NPHS1: variants seen among roughly 807,000 people sequenced by gnomAD.
NPHS1 encodes the protein NPHS1 adhesion molecule, nephrin.
NPHS1 carries 107 observed loss-of-function variants against 139.7 expected under a neutral mutation model. The ratio of observed to expected loss-of-function variants is 0.77; its 90% confidence interval spans 0.66 to 0.90. The LOEUF is 0.90. Ranked by LOEUF, NPHS1 falls within the 40% of genes least tolerant of loss-of-function variation. The pLI is 0.00. For missense variants in NPHS1, 1,580 were observed against 1,654.2 expected (o/e 0.96, Z 0.78); for synonymous variants, 707 against 706.6 (o/e 1.00, Z -0.01).
intron 4 of NPHS1, 64 bp from the exon 5 acceptor site, chr19:35,850,509 G>T: frequency 7.1e-7 from 1 of 1,407,526 alleles, no homozygotes; most frequent in Non-Finnish European, 1.0e-6. Context: ...TGGGGAGCAT[G>T]GCCTGGAAGT....
At chr19:35,827,809 T>G (rs1285221792) in intron 28 of NPHS1, among the ~76,000 whole-genome samples, 2 of 152,010 alleles carry the variant, frequency 1.3e-5, no homozygotes, top group Non-Finnish European at 2.9e-5. Flanking sequence ...CCCAGCTACT[T>G]GGGAGGCTGA....
At chr19:35,843,963 A>C in intron 16 of NPHS1, 140 bp downstream of exon 16, 1 of 1,233,556 alleles carries the variant, frequency 8.1e-7, no homozygotes, top group Non-Finnish European at 1.1e-6. Flanking sequence ...GCGTGGTTAC[A>C]CCGCGGCTGG....
chr19:35,834,824 G>T (rs1188672698), intron 23 of NPHS1, among the ~76,000 whole-genome samples: 1 of 151,678 alleles, frequency 6.6e-6, no homozygotes, highest in Non-Finnish European at 1.5e-5. Context: ...GGTGGAGATA[G>T]CAGTCAGCCG....
At position 35,845,418 on chromosome 19, in the gene NPHS1, C is replaced by A; in HGVS notation, c.1880G>T (p.Ser627Ile). Residue 627 changes from serine to isoleucine, a missense_variant, in exon 14 of 29, where the codon AGC becomes ATC. Transcript: ENST00000378910. The surrounding 1 kb of genome is among the most constrained non-coding windows in gnomAD (Gnocchi z 5.5). The stretch of plus-strand genomic sequence containing the variant: ...GCTCACGGTTTCGCGGAGCTCGGCG[C>A]TGTGGGCGCGGCAGGTCACGCGCTG... ...HGQRVTCRAHSAELRETVSSF... is the reference protein window; with the variant it reads ...HGQRVTCRAHIAELRETVSSF... 2 of 1,614,244 alleles carry A rather than the reference C, an allele frequency of 1.2e-6. No homozygotes were observed. The highest frequency in any genetic ancestry group is 1.3e-5 in the African/African-American group (1 of 75,084).
chr19:35,833,131 T>C (rs1599836703), intron 23 of NPHS1, among the ~76,000 whole-genome samples: 1 of 151,508 alleles, frequency 6.6e-6, no homozygotes, highest in Non-Finnish European at 1.5e-5. Context: ...TGGCTTCAAG[T>C]GGTCTGCCCA....
At chr19:35,849,677 A>G (rs1217972637) in intron 5 of NPHS1, 24 bp from the exon 6 acceptor site, 2 of 1,553,276 alleles carry the variant, frequency 1.3e-6, no homozygotes, top group Non-Finnish European at 1.8e-6. Flanking sequence ...TCAGGGTTAT[A>G]GAGTCAGAGT....
intron 22 of NPHS1, among the ~76,000 whole-genome samples, chr19:35,836,047 C>A: frequency 6.8e-6 from 1 of 146,584 alleles, no homozygotes; most frequent in African/African-American, 2.5e-5. Flanking sequence ...GAAACCTCTG[C>A]CTCCCGGGTT....
At position 35,841,769 on chromosome 19, in the gene NPHS1, T is replaced by C. The variant is rs370844834; in HGVS notation, c.2761A>G (p.Thr921Ala). ...AAQDYALFTC[T>A]ATNALGSDQT... Reference sequence around the variant, plus strand: ...TCCGAGCCAAGGGCGTTGGTGGCTGTACATGTGAAGAGGGCGTAATCCTGG... The same window carrying C: ...TCCGAGCCAAGGGCGTTGGTGGCTGCACATGTGAAGAGGGCGTAATCCTGG... Residue 921 changes from threonine (T) to alanine (A), a missense_variant, in exon 20 of 29, where the codon ACA (threonine) becomes GCA (alanine). Thr to Ala is a moderately conservative substitution (Grantham distance 58). Coordinates refer to ENST00000378910, the MANE Select transcript of NPHS1 (RefSeq NM_004646.4). The C allele has an allele frequency of 5.5e-5, 88 of 1,613,990 alleles. No homozygotes were observed. The highest frequency in any genetic ancestry group is 4.7e-4 in the South Asian group (43 of 91,078).
rs751756079 is a variant in NPHS1, at chr19:35,851,593, C to T, written c.138G>A (p.Gly46=). The change falls in exon 2 of 29, where the codon GGG becomes GGA. Residue 46 remains glycine (G), a synonymous_variant. Transcript: ENST00000378910. ...ALPENLTVVE[G]ASVELRCGVS... is the part of the protein sequence containing the mutation. Reference sequence around the variant, plus strand: ...CCCCACAACGCAGCTCCACTGAGGCCCCCTCCACCACCGTCAGGTTTTCAG... The same window carrying T: ...CCCCACAACGCAGCTCCACTGAGGCTCCCTCCACCACCGTCAGGTTTTCAG... 1.9e-6 allele frequency: 3 copies of T among 1,613,982 alleles called. No individual in the cohort carries two copies. Among genetic ancestry groups the T allele is most frequent in the Non-Finnish European group, 2.5e-6 (3 of 1,180,004 alleles).
intron 28 of NPHS1, 36 bp downstream of exon 28, chr19:35,830,808 G>T: frequency 2.3e-6 from 3 of 1,317,318 alleles, no homozygotes; most frequent in African/African-American, 1.4e-5. Context: ...CCCAGCACTA[G>T]CCAGGAAGGA....
Position 35,849,679 on chromosome 19 carries a change from A to C in NPHS1, c.609-26T>G, listed in dbSNP as rs767680378. The C allele has an allele frequency of 2.0e-5, 31 of 1,554,014 alleles. No homozygotes were observed. In the Admixed American group the frequency reaches 5.0e-4, roughly 25 times the overall value. On this transcript the variant is annotated intron_variant, in intron 5 of 28. Transcript: ENST00000378910. ...CTGGGATGAGAAGTCAGGGTTATAGAGTCAGAGTCATCATCTGAAATTTGG... is the reference window on the plus strand; with the variant it reads ...CTGGGATGAGAAGTCAGGGTTATAGCGTCAGAGTCATCATCTGAAATTTGG...
In NPHS1 at chr19:35,845,815, G is replaced by A. The variant is rs1973131786; in HGVS notation, c.1628-17C>T. The A allele has an allele frequency of 6.2e-7, 1 of 1,610,572 alleles. No individual in the cohort carries two copies. Among genetic ancestry groups the A allele is most frequent in the Admixed American group, 1.7e-5 (1 of 59,946 alleles). On this transcript the variant is annotated splice_polypyrimidine_tract_variant and intron_variant, in intron 12 of 28. Transcript: ENST00000378910. This position sits in a 1 kb window ranked among gnomAD's most constrained non-coding sequence, Gnocchi z 5.5. ...TTGGGGGAACTGGGAGACGGGGTTG[G>A]AGGAGCGAGACTCAGAGGTTAGGGG...
chr19:35,837,007 A>AG (rs942516167), intron 22 of NPHS1, among the ~76,000 whole-genome samples: 1 of 139,140 alleles, frequency 7.2e-6, no homozygotes, highest in African/African-American at 2.7e-5. Flanking sequence ...AAAAAAAAAA[A>AG]AAAGAAAGAA....
chr19:35,828,384 C>T (rs763704221), intron 28 of NPHS1, among the ~76,000 whole-genome samples: 31 of 152,072 alleles, frequency 2.0e-4, no homozygotes, highest in Non-Finnish European at 4.3e-4. Context: ...TCCTGCCTAG[C>T]CTCCCGAGTA....
At chr19:35,834,597 G>GA (rs146766411) in intron 23 of NPHS1, among the ~76,000 whole-genome samples, 9,204 of 150,004 alleles carry the variant, frequency 0.061, 840 homozygotes, top group African/African-American at 0.2. Flanking sequence ...GAAGATCTAA[G>GA]AAAAAAAAAA....
chr19:35,833,758 G>A (rs951585282), intron 23 of NPHS1, among the ~76,000 whole-genome samples: 3 of 152,022 alleles, frequency 2.0e-5, no homozygotes, highest in Admixed American at 6.6e-5. Flanking sequence ...GTGCAGTGGC[G>A]TGAGCTCGGC....
At position 35,848,134 on chromosome 19, in the gene NPHS1, G is replaced by A. The variant is rs760411926; in HGVS notation, c.1347C>T (p.Pro449=). The change falls in exon 11 of 29, where the codon CCC becomes CCT. Residue 449 remains proline (P), a synonymous_variant. Transcript: ENST00000378910. ...CAGCCCGGAGCTTCTGGCCCTCTGG[G>A]GGACCCTCAATCCACAGTTTCTGGG... ...YPAQKLWIEG[P]PEGQKLRAGT... is the part of the protein sequence containing the mutation. 1.7e-5 allele frequency: 28 copies of A among 1,613,928 alleles called. No homozygotes were observed. Among genetic ancestry groups the A allele is most frequent in the Non-Finnish European group, 2.0e-5 (24 of 1,180,026 alleles).
In NPHS1 at chr19:35,830,851, A is replaced by C; in HGVS notation, c.3587T>G (p.Val1196Gly). 6.3e-7 allele frequency: 1 copy of C among 1,589,126 alleles called. No individual in the cohort carries two copies. The highest frequency in any genetic ancestry group is 8.6e-7 in the Non-Finnish European group (1 of 1,157,272). Residue 1196 changes from valine to glycine, a missense_variant, in exon 28 of 29, where the codon GTG (valine) becomes GGG (glycine). Transcript: ENST00000378910. ...SGAWGPLYDEVQMGPWDLHWP... is the reference protein window; with the variant it reads ...SGAWGPLYDEGQMGPWDLHWP... ...TGATGCAAAGCTTCTCACCATCTGCACTTCATCGTAGAGGGGTCCCCAGGC... is the reference window on the plus strand; with the variant it reads ...TGATGCAAAGCTTCTCACCATCTGCCCTTCATCGTAGAGGGGTCCCCAGGC...
rs754869906 is a variant in NPHS1 at position 35,842,121 on chromosome 19, C to T, written c.2663+3G>A. Reference sequence around the variant, plus strand: ...AGTGCTGCCTGGCTGGGCTTGGGCTCACCTGGGATCTTGGAGATCCAGAGG... The same window carrying T: ...AGTGCTGCCTGGCTGGGCTTGGGCTTACCTGGGATCTTGGAGATCCAGAGG... On this transcript the variant is annotated splice_donor_region_variant and intron_variant, in intron 19 of 28. Coordinates refer to ENST00000378910, the MANE Select transcript of NPHS1 (RefSeq NM_004646.4). The T allele has an allele frequency of 5.6e-6, 9 of 1,602,130 alleles. No individual in the cohort carries two copies. The African/African-American group carries it at 8.0e-5, about 14-fold the overall frequency.
Sources: gnomAD v4.1 joint callset for allele counts (sites outside exome capture counted in the v4.1 genomes callset) on GRCh38, gnomAD v4.1.1 for gene constraint, Gnocchi (gnomAD v3.1) non-coding constraint, MANE v1.5 for transcripts, NCBI Gene and HGNC (gene_info 2026-07-23, HGNC 2026-07-21) for gene names.